Variants in PTPRO observed in about 807,000 individuals in gnomAD.
The protein encoded by PTPRO is receptor-type tyrosine-protein phosphatase O.
PTPRO carries 62 observed loss-of-function variants against 145.2 expected under a neutral mutation model. The observed-to-expected ratio is 0.43, with a 90% CI of 0.35 to 0.53. The LOEUF (loss-of-function observed/expected upper bound fraction) is 0.53, where lower values mean the gene tolerates loss of function less well. PTPRO is among the 20% of genes least tolerant of loss of function. The probability of loss-of-function intolerance (pLI) is 0.01; values close to 1 mark genes in which losing one functional copy is unlikely to be tolerated. For synonymous variants in PTPRO, 565 were observed against 514.7 expected (o/e 1.10, Z -1.32); for missense variants, 1,345 against 1,482.7 (o/e 0.91, Z 1.53).
At chr12:15,518,728 C>T (rs1215379849) in intron 9 of PTPRO, among the ~76,000 whole-genome samples, 7 of 152,172 alleles carry the variant, frequency 4.6e-5, no homozygotes, top group African/African-American at 1.4e-4. Context: ...CAAAATGCTG[C>T]CAGTGTCTTT....
chr12:15,520,150 T>C (rs752970102), intron 9 of PTPRO, 51 bp from the exon 10 acceptor site: 3 of 1,234,422 alleles, frequency 2.4e-6, no homozygotes, highest in Non-Finnish European at 3.6e-6. Context: ...ACTCCAAAAA[T>C]AGTACTTTCT....
chr12:15,449,672 T>C (rs1207673972), intron 1 of PTPRO, among the ~76,000 whole-genome samples: 2 of 152,230 alleles, frequency 1.3e-5, no homozygotes, highest in East Asian at 3.8e-4. Context: ...TGGCTATGTA[T>C]AGCAAAACCT....
Position 15,322,689 on chromosome 12 carries a change from T to TA in PTPRO, c.-37dup, listed in dbSNP as rs1448222350. ...GTGAGCCGCCGCCGGGGGAGTCCGC[T>TA]AGCGCAGCCGTGCCCCCGAGTCCCC... On this transcript the variant is annotated 5_prime_UTR_variant, in exon 1 of 27. Coordinates refer to ENST00000281171, the MANE Select transcript of PTPRO (RefSeq NM_030667.3). This position sits in a 1 kb window ranked among gnomAD's most constrained non-coding sequence, Gnocchi z 6.3. 5 of 1,575,750 alleles carry TA rather than the reference T, an allele frequency of 3.2e-6. No homozygotes were observed. The highest frequency in any genetic ancestry group is 3.5e-6 in the Non-Finnish European group (4 of 1,153,956).
intron 1 of PTPRO, among the ~76,000 whole-genome samples, chr12:15,481,187 G>A (rs1170867020): frequency 1.3e-5 from 2 of 152,044 alleles, no homozygotes; most frequent in Non-Finnish European, 2.9e-5. Flanking sequence ...CTTTATGCTA[G>A]CCTCACAATT....
At chr12:15,328,315 CA>C (rs1013277832) in intron 1 of PTPRO, among the ~76,000 whole-genome samples, 14 of 151,956 alleles carry the variant, frequency 9.2e-5, no homozygotes, top group African/African-American at 3.4e-4. Flanking sequence ...AGCCTTGTGC[CA>C]GAAAAGCGTT....
chr12:15,423,598 C>T (rs1940205151), intron 1 of PTPRO, among the ~76,000 whole-genome samples: 1 of 152,092 alleles, frequency 6.6e-6, no homozygotes, highest in Non-Finnish European at 1.5e-5. Context: ...ATTACTTAAG[C>T]TTTAAGATGA....
chr12:15,586,760 C>T, intron 23 of PTPRO, 137 bp from the exon 24 acceptor site: 1 of 913,004 alleles, frequency 1.1e-6, no homozygotes, highest in South Asian at 1.5e-5. Flanking sequence ...ATATGGTGCT[C>T]AAAGCTGGAA....
chr12:15,538,346 T>C (rs1457390015), intron 12 of PTPRO, among the ~76,000 whole-genome samples: 2 of 151,962 alleles, frequency 1.3e-5, no homozygotes, highest in African/African-American at 4.8e-5. Flanking sequence ...TGCCTCAGCC[T>C]CCCAAGTAGC....
chr12:15,564,716 T>C (rs538733972), intron 17 of PTPRO, among the ~76,000 whole-genome samples: 31 of 152,326 alleles, frequency 2.0e-4, no homozygotes, highest in South Asian at 4.1e-4. Context: ...TTCTGAAAAG[T>C]TGGGTGCTTC....
At chr12:15,432,097 C>T (rs2136342772) in intron 1 of PTPRO, among the ~76,000 whole-genome samples, 1 of 152,176 alleles carries the variant, frequency 6.6e-6, no homozygotes, top group African/African-American at 2.4e-5. Context: ...TTTCATCATC[C>T]AGGTATTATA....
chr12:15,471,472 A>C (rs114394479), intron 1 of PTPRO, among the ~76,000 whole-genome samples: 2,037 of 152,278 alleles, frequency 0.013, 43 homozygotes, highest in African/African-American at 0.047. Flanking sequence ...ATACATATTA[A>C]AAAGTCTAGT....
intron 25 of PTPRO, among the ~76,000 whole-genome samples, chr12:15,593,359 A>T (rs1489618627): frequency 6.6e-6 from 1 of 152,196 alleles, no homozygotes; most frequent in African/African-American, 2.4e-5. Context: ...TAGTGCTATT[A>T]CTTATAGAGA....
rs374556945 is a variant in PTPRO, at chr12:15,464,950, A to C, written c.76-19024A>C. Among the ~76,000 whole-genome samples, 62 of 152,366 alleles carry C rather than the reference A, an allele frequency of 4.1e-4. 1 individual carries two copies. The South Asian group carries it at 0.012, about 28-fold the overall frequency. On this transcript the variant is annotated intron_variant, in intron 1 of 26. Coordinates refer to ENST00000281171, the MANE Select transcript of PTPRO (RefSeq NM_030667.3). ...TTTAAAAATTATTTTAATGATGCTA[A>C]ATTTCTATTTTTCACTTTTTGAAAT...
At chr12:15,361,933 T>A (rs1330169949) in intron 1 of PTPRO, among the ~76,000 whole-genome samples, 1 of 152,206 alleles carries the variant, frequency 6.6e-6, no homozygotes, top group Non-Finnish European at 1.5e-5. Flanking sequence ...TTTAGACTTG[T>A]CAGCTTTCCA....
intron 25 of PTPRO, among the ~76,000 whole-genome samples, chr12:15,591,356 G>A (rs897094154): frequency 4.5e-4 from 68 of 151,966 alleles, no homozygotes; most frequent in African/African-American, 1.5e-3. Flanking sequence ...GGGCGACAGA[G>A]TGAGACTCCA....
chr12:15,555,204 C>T (rs1486820391), intron 15 of PTPRO, among the ~76,000 whole-genome samples: 1 of 152,024 alleles, frequency 6.6e-6, no homozygotes, highest in African/African-American at 2.4e-5. Context: ...TGCCACTGCA[C>T]TCCAGCCTGG....
At chr12:15,327,241 C>T (rs541397032) in intron 1 of PTPRO, among the ~76,000 whole-genome samples, 1 of 152,118 alleles carries the variant, frequency 6.6e-6, no homozygotes, top group African/African-American at 2.4e-5. Flanking sequence ...GTTATTTTTC[C>T]CAGAAATGTA....
intron 1 of PTPRO, among the ~76,000 whole-genome samples, chr12:15,368,945 A>G (rs908394241): frequency 1.3e-5 from 2 of 152,112 alleles, no homozygotes; most frequent in African/African-American, 4.8e-5. Flanking sequence ...TCTATGAGCA[A>G]CTCCCGTGGG....
chr12:15,322,995 G>A lies in PTPRO; in HGVS notation c.75+194G>A, dbSNP rs1866344468. Among the ~76,000 whole-genome samples the A allele has an allele frequency of 6.6e-6, 1 of 152,238 alleles. No homozygotes were observed. The highest frequency in any genetic ancestry group is 1.5e-5 in the Non-Finnish European group (1 of 68,040). ...TTCCTGGTGGTCTTGAGAGGTAGGGGGCGGGGGGAAGAATAAGGGAAGTTT... is the reference window on the plus strand; with the variant it reads ...TTCCTGGTGGTCTTGAGAGGTAGGGAGCGGGGGGAAGAATAAGGGAAGTTT... On this transcript the variant is annotated intron_variant, in intron 1 of 26. Transcript: ENST00000281171. This position sits in a 1 kb window ranked among gnomAD's most constrained non-coding sequence, Gnocchi z 6.3.
Sources: allele counts gnomAD v4.1 joint callset (sites outside exome capture counted in the v4.1 genomes callset), GRCh38; gene constraint gnomAD v4.1.1; non-coding constraint Gnocchi (gnomAD v3.1); transcripts MANE v1.5; gene names NCBI Gene and HGNC (gene_info 2026-07-23, HGNC 2026-07-21).